PCDHA5: variants seen among roughly 807,000 people sequenced by gnomAD.
The protein encoded by PCDHA5 is protocadherin alpha-5.
Under a neutral mutation model 61.6 loss-of-function variants are expected in PCDHA5, and 43 were observed. That is an observed-to-expected ratio of 0.70 (90% CI 0.55 to 0.90). The LOEUF (loss-of-function observed/expected upper bound fraction) is 0.90. Among genes scored for constraint, PCDHA5 ranks in the 40% least tolerant of loss-of-function variants. The probability of loss-of-function intolerance (pLI) is 0.00; values close to 1 mark genes in which losing one functional copy is unlikely to be tolerated. For missense variants in PCDHA5, 1,298 were observed against 1,222.7 expected (o/e 1.06, Z -0.92); for synonymous variants, 627 against 543.9 (o/e 1.15, Z -2.13).
Position 140,839,560 on chromosome 5 carries a change from T to C in PCDHA5, c.2352+15433T>C, listed in dbSNP as rs1438393943. On this transcript the variant is annotated intron_variant, in intron 1 of 3. Transcript: ENST00000529859. ...ACACACCACCATGCCCAACTAATTT[T>C]TGTATTTTTTGTAGAGATGGGGTCT... Among the ~76,000 whole-genome samples the C allele has an allele frequency of 2.0e-5, 3 of 151,986 alleles. No individual in the cohort carries two copies. In the East Asian group the frequency reaches 5.8e-4, roughly 29 times the overall value.
At chr5:140,880,796 T>C (rs538689350) in intron 1 of PCDHA5, among the ~76,000 whole-genome samples, 4 of 152,180 alleles carry the variant, frequency 2.6e-5, no homozygotes, top group Non-Finnish European at 5.9e-5. Context: ...GTAATATAAA[T>C]AGGTGAATGA....
chr5:140,836,634 T>C (rs1554136166), intron 1 of PCDHA5: 3 of 1,613,416 alleles, frequency 1.9e-6, no homozygotes, highest in Non-Finnish European at 8.5e-7. Context: ...CTGGTCATTC[T>C]CCCAGCAGAG....
chr5:140,956,809 T>C (rs868918745), intron 1 of PCDHA5, among the ~76,000 whole-genome samples: 2 of 152,198 alleles, frequency 1.3e-5, no homozygotes, highest in Non-Finnish European at 1.5e-5. Flanking sequence ...TATTTATTAT[T>C]GCTTCAATTT....
intron 1 of PCDHA5, among the ~76,000 whole-genome samples, chr5:140,900,317 G>A (rs188830675): frequency 3.3e-4 from 50 of 151,512 alleles, no homozygotes; most frequent in Non-Finnish European, 6.2e-4. Context: ...CACTTTTGTC[G>A]CCCAGGCTGG....
chr5:140,884,947 C>CA (rs2060414559), intron 1 of PCDHA5, among the ~76,000 whole-genome samples: 1 of 152,090 alleles, frequency 6.6e-6, no homozygotes, highest in Non-Finnish European at 1.5e-5. Context: ...TGAGCATTTA[C>CA]AAAAAATTCC....
In PCDHA5 at chr5:140,869,777, C is replaced by A. The variant is rs184691375; in HGVS notation, c.2352+45650C>A. On this transcript the variant is annotated intron_variant, in intron 1 of 3. Transcript: ENST00000529859. ...GGGGGAAAACCAGAGCTTACTGGCA[C>A]CGTTCGGCTGTTAGTCCAAGTCTTG... The A allele has an allele frequency of 1.0e-4, 167 of 1,612,982 alleles. 1 individual carries two copies. The highest frequency in any genetic ancestry group is 6.8e-6 in the Non-Finnish European group (8 of 1,179,600).
intron 1 of PCDHA5, among the ~76,000 whole-genome samples, chr5:140,920,232 A>C (rs1463016764): frequency 6.6e-6 from 1 of 152,232 alleles, no homozygotes; most frequent in African/African-American, 2.4e-5. Flanking sequence ...ATAGTATTAT[A>C]TACCCAACAA....
intron 1 of PCDHA5, chr5:140,857,226 C>A (rs1266010631): frequency 6.3e-7 from 1 of 1,598,378 alleles, no homozygotes; most frequent in African/African-American, 1.3e-5. Context: ...CCTCACGTTC[C>A]GTTCAAGCTG....
chr5:140,841,903 C>T lies in PCDHA5; in HGVS notation c.2352+17776C>T, dbSNP rs1318755251. ...ACGATGAGAATAAACTGGTTGAGCT[C>T]GTATTAAGAAAATCCTTGGACAGAG... On this transcript the variant is annotated intron_variant, in intron 1 of 3. Transcript: ENST00000529859. 1.4e-5 allele frequency: 22 copies of T among 1,613,682 alleles called. 1 individual carries two copies. Among genetic ancestry groups the T allele is most frequent in the Non-Finnish European group, 1.9e-5 (22 of 1,179,842 alleles).
intron 1 of PCDHA5, chr5:140,851,772 A>G (rs1236960091): frequency 1.0e-6 from 1 of 968,722 alleles, no homozygotes; most frequent in Non-Finnish European, 1.2e-6. Context: ...ACCCTTATGA[A>G]TTTAGATGAG....
chr5:141,000,393 C>CTATAAATATATA (rs1563650230), intron 3 of PCDHA5, among the ~76,000 whole-genome samples: 1 of 52,856 alleles, frequency 1.9e-5, no homozygotes, highest in African/African-American at 9.2e-5. Flanking sequence ...CTCTCTCTCT[C>CTATAAATATATA]TCTATATATA....
chr5:140,849,660 C>G (rs2041023883), intron 1 of PCDHA5: 1 of 1,598,636 alleles, frequency 6.3e-7, no homozygotes, highest in Admixed American at 1.7e-5. Context: ...TACCTGCTCC[C>G]TGACGCCCCA....
At chr5:140,880,042 G>A (rs530262393) in intron 1 of PCDHA5, among the ~76,000 whole-genome samples, 3 of 152,208 alleles carry the variant, frequency 2.0e-5, no homozygotes, top group Non-Finnish European at 4.4e-5. Flanking sequence ...CAGGGATTAA[G>A]ATGTGGGCAT....
rs1451679036 is a variant in PCDHA5, at chr5:140,876,215, A to C, written c.2352+52088A>C. On this transcript the variant is annotated intron_variant, in intron 1 of 3. Coordinates refer to ENST00000529859, the MANE Select transcript of PCDHA5 (RefSeq NM_018908.3). ...CCGGCGTTTGATAAGCCCAGCTATA[A>C]AGTAGTGTTGTCTGAAAATGTCCAA... The C allele has an allele frequency of 1.2e-6, 2 of 1,613,890 alleles. No homozygotes were observed. The highest frequency in any genetic ancestry group is 1.7e-6 in the Non-Finnish European group (2 of 1,179,898).
chr5:140,909,491 A>G (rs1031839388), intron 1 of PCDHA5, among the ~76,000 whole-genome samples: 5 of 152,218 alleles, frequency 3.3e-5, no homozygotes, highest in Non-Finnish European at 7.3e-5. Context: ...GGAGAGCTGA[A>G]CGGGGATGTG....
chr5:141,011,662 G>C lies in PCDHA5; in HGVS notation c.*1725G>C, dbSNP rs1166635893. On this transcript the variant is annotated 3_prime_UTR_variant, in exon 4 of 4. Coordinates refer to ENST00000529859, the MANE Select transcript of PCDHA5 (RefSeq NM_018908.3). The stretch of plus-strand genomic sequence containing the variant: ...CAAGACTTCTGCTGGCAAGGGAATG[G>C]ATAAAGCTGTTTTGTTCTAGTAACA... 2.0e-5 allele frequency: 3 copies of C among 153,688 alleles called. No homozygotes were observed. Among genetic ancestry groups the C allele is most frequent in the African/African-American group, 7.2e-5 (3 of 41,414 alleles). The allele number at this position is 153,688 out of a possible 1,614,324, so 9.5% of individuals were successfully genotyped here.
chr5:141,000,136 G>A (rs2097893947), intron 3 of PCDHA5, among the ~76,000 whole-genome samples: 2 of 152,034 alleles, frequency 1.3e-5, no homozygotes, highest in South Asian at 4.1e-4. Flanking sequence ...TTCACAAGAA[G>A]TAAACAAAAC....
intron 3 of PCDHA5, among the ~76,000 whole-genome samples, chr5:141,001,247 A>G (rs547699044): frequency 1.3e-5 from 2 of 152,256 alleles, no homozygotes; most frequent in African/African-American, 2.4e-5. Flanking sequence ...AATCAACCCT[A>G]TGGGGCGGGC....
chr5:140,856,396 C>T, intron 1 of PCDHA5: 1 of 1,598,526 alleles, frequency 6.3e-7, no homozygotes, highest in Non-Finnish European at 8.6e-7. Context: ...TGCAGGTTTT[C>T]CATGTGGACG....
Sources: gnomAD v4.1 joint callset for allele counts (sites outside exome capture counted in the v4.1 genomes callset) on GRCh38, gnomAD v4.1.1 for gene constraint, MANE v1.5 for transcripts, NCBI Gene and HGNC (gene_info 2026-07-23, HGNC 2026-07-21) for gene names.